The following MMP26 variants were observed in gnomAD, a reference collection of about 807,000 sequenced individuals.
MMP26 encodes the protein matrix metalloproteinase-26.
A neutral mutation model predicts 31.0 loss-of-function variants in MMP26; 33 were observed. That is an observed-to-expected ratio of 1.06 (90% CI 0.81 to 1.42). MMP26 has a LOEUF of 1.42. MMP26 is among the 40% of genes most tolerant of loss of function. MMP26 has a pLI of 0.00. For synonymous variants in MMP26, 122 were observed against 114.9 expected (o/e 1.06, Z -0.40); for missense variants, 347 against 316.1 (o/e 1.10, Z -0.74).
In MMP26 at chr11:4,903,441, G is replaced by A. The variant is rs143786670; in HGVS notation, c.-144-84627G>A. ...TTAAGCTAAGATGAAGAACGTTTAA[G>A]TGGTTTGACTTAGAATTGGACATAA... On this transcript the variant is annotated intron_variant, in intron 2 of 7. Transcript: ENST00000380390. 4.7e-3 allele frequency among the ~76,000 whole-genome samples: 720 copies of A among 152,238 alleles called. 7 individuals carry two copies. The highest frequency in any genetic ancestry group is 0.015 in the African/African-American group (614 of 41,558).
At chr11:4,954,555 C>T (rs1220505853) in intron 2 of MMP26, among the ~76,000 whole-genome samples, 1 of 124,712 alleles carries the variant, frequency 8.0e-6, no homozygotes, top group Non-Finnish European at 1.8e-5. Context: ...TATCATAAGA[C>T]ATTTATTTTT....
At chr11:4,754,030 A>G (rs1244031173) in intron 1 of MMP26, among the ~76,000 whole-genome samples, 1 of 151,426 alleles carries the variant, frequency 6.6e-6, no homozygotes, top group Non-Finnish European at 1.5e-5. Flanking sequence ...GACCATTTCC[A>G]TACTTTGCTC....
At chr11:4,914,917 G>T in intron 2 of MMP26, 1 of 1,614,148 alleles carries the variant, frequency 6.2e-7, no homozygotes, top group Non-Finnish European at 8.5e-7. Context: ...CAGCACAGAT[G>T]TGGGAAACAC....
rs71050429 is a variant in MMP26 at position 4,789,530 on chromosome 11, C to CTTTTTTTTTTTTTTT, written c.-145+22204_-145+22218dup. On this transcript the variant is annotated intron_variant, in intron 2 of 7. Transcript: ENST00000380390. ...TCCTGAAGGTAAAGATATCCCCCCA[C>CTTTTTTTTTTTTTTT]TTTTTTTTTTTTTTTTTTTTTTTTT... Among the ~76,000 whole-genome samples the CTTTTTTTTTTTTTTT allele has an allele frequency of 6.7e-4, 44 of 65,966 alleles. 6 individuals carry two copies. The highest frequency in any genetic ancestry group is 1.1e-3 in the African/African-American group (21 of 18,640). The allele number at this position is 65,966 out of a possible 152,430, so 43.3% of individuals were successfully genotyped here.
intron 2 of MMP26, among the ~76,000 whole-genome samples, chr11:4,850,650 A>C (rs1051586540): frequency 1.3e-5 from 2 of 152,034 alleles, no homozygotes; most frequent in Non-Finnish European, 2.9e-5. Flanking sequence ...GGATAATGAT[A>C]TAGATACAAG....
chr11:4,941,200 C>G (rs2596001), intron 2 of MMP26, among the ~76,000 whole-genome samples: 126,903 of 152,148 alleles, frequency 0.83, 53,094 homozygotes, highest in Middle Eastern at 0.91. Flanking sequence ...ATTTTATGTA[C>G]ATTTACACTA....
chr11:4,859,872 G>A lies in MMP26; in HGVS notation c.-145+92531G>A, dbSNP rs117385480. 3,016 of 471,212 alleles carry A rather than the reference G, an allele frequency of 6.4e-3. 15 individuals carry two copies. The highest frequency in any genetic ancestry group is 0.01 in the Non-Finnish European group (2,356 of 227,068). 29.2% of individuals were successfully genotyped at this position (471,212 alleles called of 1,614,324 possible). A position where few individuals can be genotyped will look rare whatever the true frequency, so the allele number is the denominator to read the frequency against. On this transcript the variant is annotated intron_variant, in intron 2 of 7. Transcript: ENST00000380390. Reference sequence around the variant, plus strand: ...GGGTTTTCAGCCTTTCACCTCTGGAGACAATGCCCAGCACAGTCTTCAGGG... The same window carrying A: ...GGGTTTTCAGCCTTTCACCTCTGGAAACAATGCCCAGCACAGTCTTCAGGG...
chr11:4,902,793 G>A (rs549828230), intron 2 of MMP26, among the ~76,000 whole-genome samples: 21 of 152,200 alleles, frequency 1.4e-4, no homozygotes, highest in Middle Eastern at 3.4e-3. Flanking sequence ...GGAGTTGATC[G>A]TCTTCTCCAG....
At chr11:4,821,763 T>G (rs956325271) in intron 2 of MMP26, 18 of 1,613,854 alleles carry the variant, frequency 1.1e-5, no homozygotes, top group Non-Finnish European at 1.4e-5. Flanking sequence ...TCATGGAGTC[T>G]GGGGTTCTAC....
intron 2 of MMP26, among the ~76,000 whole-genome samples, chr11:4,987,181 C>T (rs1846914147): frequency 6.6e-6 from 1 of 151,570 alleles, no homozygotes; most frequent in Non-Finnish European, 1.5e-5. Context: ...TGCACCCAGC[C>T]GAGTCGTGTG....
chr11:4,970,534 T>C (rs1166563120), intron 2 of MMP26, among the ~76,000 whole-genome samples: 2 of 152,178 alleles, frequency 1.3e-5, no homozygotes, highest in Non-Finnish European at 2.9e-5. Flanking sequence ...CAAGTGAGTA[T>C]AGAGAGGTGA....
rs1316843656 is a variant in MMP26, at chr11:4,992,196, T to G, written c.758-18T>G. The G allele has an allele frequency of 4.3e-6, 7 of 1,611,788 alleles. No homozygotes were observed. Among genetic ancestry groups the G allele is most frequent in the Non-Finnish European group, 5.9e-6 (7 of 1,179,278 alleles). On this transcript the variant is annotated intron_variant, in intron 7 of 7. Transcript: ENST00000380390. The stretch of plus-strand genomic sequence containing the variant: ...TTCACCTGAAATTTACTGTTGTTTT[T>G]TTTTTCTGTTTCCATAGGAGAAAAA...
At chr11:4,918,628 T>C (rs1851134371) in intron 2 of MMP26, among the ~76,000 whole-genome samples, 1 of 152,210 alleles carries the variant, frequency 6.6e-6, no homozygotes. Flanking sequence ...TTAGCAGTTT[T>C]GGTAAGGACT....
chr11:4,878,601 A>T (rs993287405), intron 2 of MMP26, among the ~76,000 whole-genome samples: 1 of 152,070 alleles, frequency 6.6e-6, no homozygotes, highest in Non-Finnish European at 1.5e-5. Flanking sequence ...CTTTTATCCC[A>T]CTTCATCATA....
In MMP26 at chr11:4,848,687, C is replaced by T. The variant is rs757499584; in HGVS notation, c.-145+81346C>T. On this transcript the variant is annotated intron_variant, in intron 2 of 7. Transcript: ENST00000380390. Reference sequence around the variant, plus strand: ...TTAGGACCTGTGGGAGGCAGTAGGGCATGTAGGCCAGCAGGAATGGCAGGG... The same window carrying T: ...TTAGGACCTGTGGGAGGCAGTAGGGTATGTAGGCCAGCAGGAATGGCAGGG... 37 of 1,613,882 alleles carry T rather than the reference C, an allele frequency of 2.3e-5. No homozygotes were observed. The highest frequency in any genetic ancestry group is 3.0e-5 in the Non-Finnish European group (35 of 1,179,968).
intron 2 of MMP26, among the ~76,000 whole-genome samples, chr11:4,849,521 T>C (rs1308625529): frequency 6.6e-6 from 1 of 152,182 alleles, no homozygotes; most frequent in Admixed American, 6.5e-5. Context: ...TGTTATCCTA[T>C]TTTTTCCCTC....
chr11:4,855,907 G>A (rs1471483948), intron 2 of MMP26, among the ~76,000 whole-genome samples: 1 of 152,110 alleles, frequency 6.6e-6, no homozygotes, highest in East Asian at 1.9e-4. Flanking sequence ...AAGAGAGTGG[G>A]GGCCAATATT....
At chr11:4,847,957 A>G (rs1056636045) in intron 2 of MMP26, 8 of 377,966 alleles carry the variant, frequency 2.1e-5, no homozygotes, top group African/African-American at 1.4e-4. Context: ...CAACAATAAG[A>G]TAACAACAGG....
intron 1 of MMP26, chr11:4,710,486 C>T (rs1847847367): frequency 2.3e-6 from 1 of 436,190 alleles, no homozygotes; most frequent in Non-Finnish European, 4.7e-6. Context: ...AGGCTGTGCT[C>T]AAAGCATTTC....
Sources: allele counts gnomAD v4.1 joint callset (sites outside exome capture counted in the v4.1 genomes callset), GRCh38; gene constraint gnomAD v4.1.1; transcripts MANE v1.5; gene names NCBI Gene and HGNC (gene_info 2026-07-23, HGNC 2026-07-21).